MED23: variants seen among roughly 807,000 people sequenced by gnomAD.
The protein encoded by MED23 is mediator of RNA polymerase II transcription subunit 23.
In MED23, 105 loss-of-function variants were observed where a neutral mutation model predicts 163.9. The ratio of observed to expected loss-of-function variants is 0.64; its 90% confidence interval spans 0.55 to 0.75. MED23 has a LOEUF of 0.75. Ranked by LOEUF, MED23 falls within the 30% of genes least tolerant of loss-of-function variation. MED23 has a pLI of 0.00. For synonymous variants in MED23, 561 were observed against 565.6 expected (o/e 0.99, Z 0.12); for missense variants, 1,054 against 1,649.0 (o/e 0.64, Z 6.25).
chr6:131,607,204 G>T (rs1245850295), intron 12 of MED23, among the ~76,000 whole-genome samples: 2 of 151,366 alleles, frequency 1.3e-5, no homozygotes, highest in African/African-American at 4.9e-5. Flanking sequence ...AACATGGTGG[G>T]GTTACAGCTA....
intron 10 of MED23, among the ~76,000 whole-genome samples, chr6:131,611,240 A>G (rs958542852): frequency 5.9e-5 from 9 of 152,108 alleles, no homozygotes; most frequent in Non-Finnish European, 1.3e-4. Context: ...AAAAATGCAA[A>G]ATGGGGACAA....
In MED23 at chr6:131,587,631, C is replaced by T; in HGVS notation, c.*48G>A. 6.2e-7 allele frequency: 1 copy of T among 1,613,214 alleles called. No individual in the cohort carries two copies. Among genetic ancestry groups the T allele is most frequent in the African/African-American group, 1.3e-5 (1 of 75,024 alleles). ...TTCAGATTTAAAAGGTTTGAGTCCACTCTCAAAGACGGATATATTTCTACT... is the reference window on the plus strand; with the variant it reads ...TTCAGATTTAAAAGGTTTGAGTCCATTCTCAAAGACGGATATATTTCTACT... On this transcript the variant is annotated 3_prime_UTR_variant, in exon 29 of 29. Transcript: ENST00000368068.
Position 131,606,447 on chromosome 6 carries a change from G to T in MED23, c.1367+32C>A, listed in dbSNP as rs759921184. 8 of 1,603,484 alleles carry T rather than the reference G, an allele frequency of 5.0e-6. No individual in the cohort carries two copies. The South Asian group carries it at 7.7e-5, about 15-fold the overall frequency. ...CTACAATCCGCTATTAATTAAACAA[G>T]AAAATTAAGTATCAAGCAACAAATA... On this transcript the variant is annotated intron_variant, in intron 13 of 28. Transcript: ENST00000368068.
intron 10 of MED23, among the ~76,000 whole-genome samples, chr6:131,613,880 G>A (rs545769131): frequency 2.0e-5 from 3 of 152,100 alleles, no homozygotes; most frequent in Admixed American, 6.5e-5. Flanking sequence ...AGAGCTGCCC[G>A]CCCCCAAGAG....
chr6:131,592,802 A>T, intron 24 of MED23: 1 of 643,742 alleles, frequency 1.6e-6, no homozygotes, highest in Non-Finnish European at 2.7e-6. Flanking sequence ...GAGTAGAAGT[A>T]GGAACAAACC....
At chr6:131,586,257 A>G (rs773660767), downstream of MED23, among the ~76,000 whole-genome samples, 1 of 152,012 alleles carries the variant, frequency 6.6e-6, no homozygotes, top group Non-Finnish European at 1.5e-5. Flanking sequence ...AAAATTAGCC[A>G]GGCGTGGTGG....
At chr6:131,574,194 A>C in exon 31 of MED23, 1 of 1,346,624 alleles carries the variant, frequency 7.4e-7, no homozygotes, top group Non-Finnish European at 1.1e-6. Context: ...ACAATGTATG[A>C]GTTGAAACTA....
intron 26 of MED23, among the ~76,000 whole-genome samples, chr6:131,590,999 T>C (rs1774578242): frequency 6.9e-6 from 1 of 144,298 alleles, no homozygotes; most frequent in South Asian, 2.2e-4. Flanking sequence ...TTTTTTTTTT[T>C]CAGATGGAGT....
chr6:131,577,532 C>A (rs1353705440), intron 30 of MED23, among the ~76,000 whole-genome samples: 1 of 152,004 alleles, frequency 6.6e-6, no homozygotes, highest in Non-Finnish European at 1.5e-5. Flanking sequence ...ATGGAAACAG[C>A]AAAATGCCCA....
chr6:131,607,840 T>A, intron 12 of MED23, 88 bp downstream of exon 12: 1 of 1,434,002 alleles, frequency 7.0e-7, no homozygotes. Context: ...ACTTTAGAAA[T>A]ACACAAAATC....
chr6:131,623,544 G>A (rs1777265919), intron 4 of MED23, 82 bp from the exon 5 acceptor site: 1 of 1,052,058 alleles, frequency 9.5e-7, no homozygotes, highest in South Asian at 1.3e-5. Flanking sequence ...GTTTGGCTGT[G>A]TACTCACACA....
At chr6:131,582,479 T>G, downstream of MED23, 1 of 704,134 alleles carries the variant, frequency 1.4e-6, no homozygotes, top group Non-Finnish European at 2.4e-6. Flanking sequence ...CTCTTCTTAA[T>G]TGTGTATTAT....
chr6:131,608,744 C>T (rs1776046310), intron 11 of MED23, among the ~76,000 whole-genome samples: 1 of 152,092 alleles, frequency 6.6e-6, no homozygotes, highest in South Asian at 2.1e-4. Context: ...ATGGTGGTTT[C>T]TGGGAGAAGG....
chr6:131,582,507 T>C (rs1399987224), downstream of MED23: 3 of 793,262 alleles, frequency 3.8e-6, no homozygotes, highest in African/African-American at 3.5e-5. Flanking sequence ...TGATTTCTTC[T>C]GTATTTATAT....
At chr6:131,617,886 C>G (rs1776806705) in intron 9 of MED23, among the ~76,000 whole-genome samples, 1 of 152,166 alleles carries the variant, frequency 6.6e-6, no homozygotes, top group South Asian at 2.1e-4. Flanking sequence ...AGAAATGTGA[C>G]TTCAGATATA....
intron 10 of MED23, among the ~76,000 whole-genome samples, chr6:131,612,544 T>C (rs1209516434): frequency 6.6e-6 from 1 of 152,116 alleles, no homozygotes; most frequent in Non-Finnish European, 1.5e-5. Flanking sequence ...TCACATCTTG[T>C]TTTGTGAAAG....
chr6:131,620,029 G>A, intron 7 of MED23, 133 bp from the exon 8 acceptor site: 1 of 673,696 alleles, frequency 1.5e-6, no homozygotes, highest in Middle Eastern at 3.2e-4. Context: ...ACTGTTTAAA[G>A]GTTAGCTCCC....
At chr6:131,624,729 T>C (rs1777357363) in intron 4 of MED23, 136 bp downstream of exon 4, 1 of 928,546 alleles carries the variant, frequency 1.1e-6, no homozygotes, top group Non-Finnish European at 1.7e-6. Context: ...AAACCTGAGG[T>C]ATTATATAAA....
rs761570260 is a variant in MED23 at position 131,596,130 on chromosome 6, C to T, written c.2812G>A (p.Ala938Thr). 16 of 1,613,908 alleles carry T rather than the reference C, an allele frequency of 9.9e-6. No homozygotes were observed. The highest frequency in any genetic ancestry group is 3.3e-5 in the South Asian group (3 of 91,082). ...YPEKLYFEGL[A>T]EQVDPPVQIQ... ...TGTACAGGAGGATCCACCTGTTCCG[C>T]GAGGCCCTCAAAATACAACTTCTCT... Residue 938 changes from alanine to threonine, a missense_variant, in exon 22 of 29, where the codon GCG becomes ACG. This residue lies in a region of MED23 where 228 missense variants were observed against 461.3 expected (regional missense o/e 0.49). Coordinates refer to ENST00000368068, the MANE Select transcript of MED23 (RefSeq NM_004830.4).
Sources: allele counts gnomAD v4.1 joint callset (sites outside exome capture counted in the v4.1 genomes callset), GRCh38; gene constraint gnomAD v4.1.1; regional missense constraint gnomAD v4.1.1; transcripts MANE v1.5; gene names NCBI Gene and HGNC (gene_info 2026-07-23, HGNC 2026-07-21).